The following DCC variants were observed in gnomAD, a reference collection of about 807,000 sequenced individuals.
DCC encodes the protein netrin receptor DCC.
In DCC, 58 loss-of-function variants were observed where a neutral mutation model predicts 172.5. The ratio of observed to expected loss-of-function variants is 0.34; its 90% confidence interval spans 0.27 to 0.42. DCC has a LOEUF of 0.42. Ranked by LOEUF, DCC falls within the 10% of genes least tolerant of loss-of-function variation. The pLI, the probability that DCC is intolerant of heterozygous loss-of-function variation, is 1.00. For synonymous variants in DCC, 709 were observed against 644.5 expected (o/e 1.10, Z -1.52); for missense variants, 1,740 against 1,791.0 (o/e 0.97, Z 0.51).
intron 2 of DCC, among the ~76,000 whole-genome samples, chr18:52,847,012 C>A (rs1460010373): frequency 6.6e-6 from 1 of 152,092 alleles, no homozygotes; most frequent in East Asian, 1.9e-4. Context: ...GGAGTCCTGA[C>A]CTTACAGGTA....
chr18:53,208,620 G>A (rs12326120), intron 11 of DCC, among the ~76,000 whole-genome samples: 20,556 of 152,140 alleles, frequency 0.14, 2,250 homozygotes, highest in African/African-American at 0.3. Context: ...AAATGTGTAT[G>A]TTGCCTACTA....
chr18:53,501,660 G>A (rs539988910), intron 27 of DCC, among the ~76,000 whole-genome samples: 2 of 152,204 alleles, frequency 1.3e-5, no homozygotes, highest in East Asian at 3.9e-4. Flanking sequence ...TGTTCTCTCG[G>A]CTTGCAAGTA....
At chr18:52,899,944 G>A (rs369626637) in intron 2 of DCC, among the ~76,000 whole-genome samples, 1 of 152,138 alleles carries the variant, frequency 6.6e-6, no homozygotes, top group Admixed American at 6.5e-5. Context: ...CCAAGTATTT[G>A]CCATACACCA....
At chr18:52,730,591 C>T (rs565820806) in intron 1 of DCC, among the ~76,000 whole-genome samples, 27 of 152,254 alleles carry the variant, frequency 1.8e-4, no homozygotes, top group Middle Eastern at 3.4e-3. Context: ...CTATAGTTAA[C>T]GACTGGCACT....
intron 7 of DCC, among the ~76,000 whole-genome samples, chr18:53,112,628 G>A (rs1012978098): frequency 1.3e-5 from 2 of 151,496 alleles, no homozygotes; most frequent in African/African-American, 4.8e-5. Context: ...CAGATAAGCT[G>A]TATGTAAGGA....
In DCC at chr18:53,476,614, TA is replaced by T. The variant is rs550704832; in HGVS notation, c.3736+8605del. 6.4e-3 allele frequency among the ~76,000 whole-genome samples: 973 copies of T among 152,350 alleles called. 8 individuals are homozygous for T. Among genetic ancestry groups the T allele is most frequent in the Non-Finnish European group, 0.01 (696 of 68,020 alleles). On this transcript the variant is annotated intron_variant, in intron 25 of 28. Transcript: ENST00000442544. ...AAGTCCAGTAAACCTCTTATTTATT[TA>T]TTTTTTTTGTAAATTGTGCAGTCTT...
chr18:53,231,088 T>C (rs1249450278), intron 12 of DCC, among the ~76,000 whole-genome samples: 1 of 152,048 alleles, frequency 6.6e-6, no homozygotes, highest in Non-Finnish European at 1.5e-5. Flanking sequence ...AGAAGTTTCC[T>C]ATGGGATATG....
chr18:53,064,014 A>C (rs977260437), intron 6 of DCC, among the ~76,000 whole-genome samples: 1 of 152,186 alleles, frequency 6.6e-6, no homozygotes. Flanking sequence ...TGGTGGCTGC[A>C]GTCATAGGCC....
chr18:53,485,927 AAAAT>A (rs2045894976), intron 25 of DCC, among the ~76,000 whole-genome samples: 3 of 152,076 alleles, frequency 2.0e-5, no homozygotes, highest in Admixed American at 1.3e-4. Context: ...TAAATAAATA[AAAAT>A]AAATTATTAA....
At chr18:52,560,213 C>G (rs952290682) in intron 1 of DCC, among the ~76,000 whole-genome samples, 3 of 152,058 alleles carry the variant, frequency 2.0e-5, no homozygotes, top group Non-Finnish European at 4.4e-5. Context: ...GTGCCTCTGT[C>G]GCAGGAAAGC....
intron 1 of DCC, among the ~76,000 whole-genome samples, chr18:52,380,788 T>C (rs1319409297): frequency 6.6e-6 from 1 of 152,094 alleles, no homozygotes; most frequent in Non-Finnish European, 1.5e-5. Context: ...TTGCACCCAA[T>C]GTATTAAATG....
intron 20 of DCC, among the ~76,000 whole-genome samples, chr18:53,414,615 G>A (rs991268549): frequency 2.0e-5 from 3 of 152,138 alleles, no homozygotes; most frequent in African/African-American, 7.2e-5. Flanking sequence ...TTAGGAGGCC[G>A]AGGCGGGTGG....
chr18:53,052,635 G>C (rs2042348753), intron 5 of DCC, among the ~76,000 whole-genome samples: 2 of 152,048 alleles, frequency 1.3e-5, no homozygotes, highest in South Asian at 4.1e-4. Context: ...AGGCATGGTA[G>C]GGGAATGAGT....
chr18:52,581,505 G>T (rs1179621049), intron 1 of DCC, among the ~76,000 whole-genome samples: 1 of 152,142 alleles, frequency 6.6e-6, no homozygotes, highest in African/African-American at 2.4e-5. Flanking sequence ...TGTGGAATGG[G>T]ATTCAATTCA....
rs528948835 is a variant in DCC, at chr18:52,546,132, G to GTA, written c.91+205260_91+205261dup. 5.3e-3 allele frequency among the ~76,000 whole-genome samples: 804 copies of GTA among 152,224 alleles called. 14 individuals carry two copies. Among genetic ancestry groups the GTA allele is most frequent in the African/African-American group, 0.018 (768 of 41,530 alleles). On this transcript the variant is annotated intron_variant, in intron 1 of 28. Coordinates refer to ENST00000442544, the MANE Select transcript of DCC (RefSeq NM_005215.4). ...TGATTCGAGAGGTGTCTTCCTAAAT[G>GTA]TATATATGTATGGGTGTACGTGCAC... is the stretch of plus-strand genomic sequence containing the variant.
chr18:52,475,099 C>G (rs969617160), intron 1 of DCC, among the ~76,000 whole-genome samples: 2 of 152,166 alleles, frequency 1.3e-5, no homozygotes, highest in Non-Finnish European at 2.9e-5. Context: ...AAGGGCCTGA[C>G]ATCTAATCAT....
At chr18:53,111,186 A>T (rs570617361) in intron 7 of DCC, among the ~76,000 whole-genome samples, 1 of 144,588 alleles carries the variant, frequency 6.9e-6, no homozygotes, top group South Asian at 2.2e-4. Context: ...GCTCATAGGT[A>T]GGAATTGAAC....
chr18:52,587,415 C>T (rs2033699901), intron 1 of DCC, among the ~76,000 whole-genome samples: 2 of 152,204 alleles, frequency 1.3e-5, no homozygotes, highest in South Asian at 4.1e-4. Context: ...TTATTAAAAT[C>T]CTCCTCTGCT....
intron 1 of DCC, among the ~76,000 whole-genome samples, chr18:52,515,780 G>A (rs777776616): frequency 1.3e-5 from 2 of 150,678 alleles, no homozygotes; most frequent in Non-Finnish European, 3.0e-5. Context: ...CTGTTGCTTT[G>A]TAAAAGACCC....
Sources: gnomAD v4.1 joint callset for allele counts (sites outside exome capture counted in the v4.1 genomes callset) on GRCh38, gnomAD v4.1.1 for gene constraint, MANE v1.5 for transcripts, NCBI Gene and HGNC (gene_info 2026-07-23, HGNC 2026-07-21) for gene names.